The following TBL1XR1 variants were observed in gnomAD, a reference collection of about 807,000 sequenced individuals.
TBL1XR1 encodes TBL1X/Y related 1.
Under a neutral mutation model 66.9 loss-of-function variants are expected in TBL1XR1, and 5 were observed. The ratio of observed to expected loss-of-function variants is 0.07; its 90% CI spans 0.04 to 0.16. The LOEUF is 0.16. TBL1XR1 is among the 10% of genes least tolerant of loss of function. TBL1XR1 has a pLI of 1.00. For missense variants in TBL1XR1, 238 were observed against 623.2 expected, an observed-to-expected ratio of 0.38 and a Z score of 6.58; for synonymous variants, 210 against 206.0, an observed-to-expected ratio of 1.02 and a Z score of -0.17.
In TBL1XR1 at chr3:177,041,766, C is replaced by T. The variant is rs147215523; in HGVS notation, c.926-3332G>A. Reference sequence around the variant, plus strand: ...GTAAGTTATGTCCCGGGTTCCTGTGCCTAGTGGTTTCCAGATGGGTTCATA... The same window carrying T: ...GTAAGTTATGTCCCGGGTTCCTGTGTCTAGTGGTTTCCAGATGGGTTCATA... On this transcript the variant is annotated intron_variant, in intron 10 of 15. Transcript: ENST00000457928. 4.3e-3 allele frequency among the ~76,000 whole-genome samples: 658 copies of T among 152,264 alleles called. 4 individuals carry two copies. The highest frequency in any genetic ancestry group is 7.9e-3 in the Non-Finnish European group (536 of 68,002).
chr3:177,166,822 G>A (rs886234417), intron 1 of TBL1XR1, among the ~76,000 whole-genome samples: 1 of 152,182 alleles, frequency 6.6e-6, no homozygotes, highest in African/African-American at 2.4e-5. Context: ...TATTAGAATG[G>A]TCAAAACCTG....
At chr3:177,050,186 A>G in intron 6 of TBL1XR1, 48 bp from the exon 7 acceptor site, 1 of 1,594,588 alleles carries the variant, frequency 6.3e-7, no homozygotes, top group Non-Finnish European at 8.6e-7. Context: ...ATTCTCACGT[A>G]TCAGAACAAG....
intron 1 of TBL1XR1, among the ~76,000 whole-genome samples, chr3:177,185,398 C>G (rs1018847713): frequency 1.3e-5 from 2 of 152,056 alleles, no homozygotes; most frequent in Admixed American, 1.3e-4. Flanking sequence ...CACTTGAGGT[C>G]AGGATTTCAA....
intron 1 of TBL1XR1, among the ~76,000 whole-genome samples, chr3:177,181,852 A>G (rs941312411): frequency 2.0e-5 from 3 of 152,070 alleles, no homozygotes; most frequent in African/African-American, 7.2e-5. Flanking sequence ...CACATGATGA[A>G]GGGTCTAAAG....
chr3:177,196,719 T>C (rs987687513), intron 1 of TBL1XR1, among the ~76,000 whole-genome samples: 2 of 121,198 alleles, frequency 1.7e-5, no homozygotes, highest in African/African-American at 6.0e-5. Context: ...TTGCTGCAAA[T>C]CCTTTCCTGA....
chr3:177,034,375 T>C, intron 12 of TBL1XR1, 50 bp from the exon 13 acceptor site: 1 of 1,305,888 alleles, frequency 7.7e-7, no homozygotes. Flanking sequence ...ACAATGAGTA[T>C]ATTTAAAATA....
At chr3:177,200,026 G>A (rs1218621605), upstream of TBL1XR1, among the ~76,000 whole-genome samples, 1 of 152,018 alleles carries the variant, frequency 6.6e-6, no homozygotes, top group Non-Finnish European at 1.5e-5. Flanking sequence ...AGGCTAGAGT[G>A]CAATGGCGGA....
intron 10 of TBL1XR1, among the ~76,000 whole-genome samples, chr3:177,039,414 G>C (rs1425128436): frequency 6.6e-6 from 1 of 152,080 alleles, no homozygotes; most frequent in Non-Finnish European, 1.5e-5. Flanking sequence ...CTAACAAATG[G>C]AATACGGCAT....
intron 1 of TBL1XR1, among the ~76,000 whole-genome samples, chr3:177,166,901 T>A (rs2108908842): frequency 6.6e-6 from 1 of 152,290 alleles, no homozygotes; most frequent in South Asian, 2.1e-4. Context: ...GCTGGTGCAA[T>A]CACAAAATGG....
intron 10 of TBL1XR1, among the ~76,000 whole-genome samples, chr3:177,039,028 C>T (rs535287017): frequency 1.3e-3 from 198 of 152,264 alleles, no homozygotes; most frequent in African/African-American, 4.7e-3. Flanking sequence ...GAAAATTCCA[C>T]ACATTAAATG....
At chr3:177,172,114 A>G (rs751044618) in intron 1 of TBL1XR1, among the ~76,000 whole-genome samples, 7 of 152,084 alleles carry the variant, frequency 4.6e-5, no homozygotes, top group Non-Finnish European at 5.9e-5. Flanking sequence ...ACAAAAAATT[A>G]GCTGGGCATG....
chr3:177,184,265 AGTT>A (rs1560275699), intron 1 of TBL1XR1, among the ~76,000 whole-genome samples: 1 of 152,194 alleles, frequency 6.6e-6, no homozygotes, highest in African/African-American at 2.4e-5. Context: ...CATACATCTA[AGTT>A]TGTAAGTCAT....
intron 1 of TBL1XR1, among the ~76,000 whole-genome samples, chr3:177,143,382 C>T (rs1487532661): frequency 2.1e-5 from 3 of 140,620 alleles, no homozygotes; most frequent in Admixed American, 7.1e-5. Flanking sequence ...ATCTACAAGT[C>T]AAAAAAAAAA....
At chr3:177,131,283 T>C (rs1410146119) in intron 1 of TBL1XR1, 2 of 957,674 alleles carry the variant, frequency 2.1e-6, no homozygotes, top group African/African-American at 1.8e-5. Flanking sequence ...CAAAAGCTAT[T>C]TGCCTAATCA....
intron 1 of TBL1XR1, among the ~76,000 whole-genome samples, chr3:177,153,823 G>A (rs1560235688): frequency 6.9e-6 from 1 of 145,872 alleles, no homozygotes. Flanking sequence ...GTTGCAGTGA[G>A]CCAAGATCGC....
chr3:177,077,635 T>C (rs1720855047), intron 2 of TBL1XR1, among the ~76,000 whole-genome samples: 1 of 152,176 alleles, frequency 6.6e-6, no homozygotes, highest in South Asian at 2.1e-4. Context: ...CACCTTTATA[T>C]GCACTTTACT....
intron 7 of TBL1XR1, 62 bp from the exon 8 acceptor site, chr3:177,047,611 A>G: frequency 9.2e-6 from 14 of 1,524,692 alleles, no homozygotes; most frequent in Non-Finnish European, 1.3e-5. Context: ...TTGTTGTTAA[A>G]GTATTTCATG....
chr3:177,053,800 A>G lies in TBL1XR1; in HGVS notation c.177T>C (p.Tyr59=), dbSNP rs756974089. ...LISIIQKGLQ[Y]VEAEVSINED... ...CATTAATACTAACTTCTGCTTCTAC[A>G]TACTGTAGACCTTTCTGGATGATAG... Residue 59 remains tyrosine (Y), a synonymous_variant, in exon 4 of 16, where the codon TAT becomes TAC. Coordinates refer to ENST00000457928, the MANE Select transcript of TBL1XR1 (RefSeq NM_024665.7). 3 of 1,613,008 alleles carry G rather than the reference A, an allele frequency of 1.9e-6. No homozygotes were observed. The South Asian group carries it at 3.3e-5, about 18-fold the overall frequency.
At chr3:177,083,956 C>T (rs554522691) in intron 2 of TBL1XR1, among the ~76,000 whole-genome samples, 5 of 151,678 alleles carry the variant, frequency 3.3e-5, no homozygotes, top group African/African-American at 4.8e-5. Context: ...GGCGTGGTGG[C>T]GGGCACCTGT....
Sources: allele counts gnomAD v4.1 joint callset (sites outside exome capture counted in the v4.1 genomes callset), GRCh38; gene constraint gnomAD v4.1.1; transcripts MANE v1.5; gene names NCBI Gene and HGNC (gene_info 2026-07-23, HGNC 2026-07-21).